The following SLC17A2 variants were observed in gnomAD, a reference collection of about 807,000 sequenced individuals.
SLC17A2 encodes solute carrier family 17 member 2.
A neutral mutation model predicts 52.1 loss-of-function variants in SLC17A2; 38 were observed. That is an observed-to-expected ratio of 0.73 (90% CI 0.56 to 0.96). The LOEUF is 0.96. Among genes scored for constraint, SLC17A2 ranks in the 40% least tolerant of loss-of-function variants. SLC17A2 has a pLI of 0.00. For synonymous variants in SLC17A2, 226 were observed against 211.9 expected, an observed-to-expected ratio of 1.07 and a Z score of -0.58; for missense variants, 508 against 583.9, an observed-to-expected ratio of 0.87 and a Z score of 1.34.
rs984664106 is a variant in SLC17A2 at position 25,918,417 on chromosome 6, T to C, written c.649+70A>G. The stretch of plus-strand genomic sequence containing the variant: ...CATTTTCTTTCATATAGGAAGAATG[T>C]GGGTGGTGTAGGTGCCAAAATGGAT... On this transcript the variant is annotated intron_variant, in intron 6 of 11. Transcript: ENST00000377850. 5.6e-6 allele frequency: 5 copies of C among 899,058 alleles called. 1 individual carries two copies. The highest frequency in any genetic ancestry group is 4.9e-5 in the African/African-American group (3 of 60,874). The allele number at this position is 899,058 out of a possible 1,614,324, so 55.7% of individuals were successfully genotyped here.
intron 8 of SLC17A2, among the ~76,000 whole-genome samples, chr6:25,916,242 G>T (rs1766313105): frequency 6.6e-6 from 1 of 152,064 alleles, no homozygotes; most frequent in African/African-American, 2.4e-5. Context: ...CACCACACCT[G>T]GCTAATTTTT....
chr6:25,918,787 A>G (rs777797336), intron 5 of SLC17A2, among the ~76,000 whole-genome samples: 33 of 152,246 alleles, frequency 2.2e-4, no homozygotes, highest in African/African-American at 7.2e-4. Context: ...TGATTCTTCA[A>G]TGGCTCCTCA....
intron 6 of SLC17A2, 97 bp downstream of exon 6, chr6:25,918,390 G>C (rs1039888907): frequency 2.4e-5 from 18 of 753,088 alleles, no homozygotes; most frequent in Non-Finnish European, 4.2e-5. Flanking sequence ...TTTGATAAAG[G>C]ACATTTTCTT....
At chr6:25,926,583 A>G (rs892061921) in intron 1 of SLC17A2, among the ~76,000 whole-genome samples, 3 of 152,178 alleles carry the variant, frequency 2.0e-5, no homozygotes, top group Non-Finnish European at 4.4e-5. Flanking sequence ...AAATATGGAC[A>G]TGTTTAATTT....
intron 2 of SLC17A2, among the ~76,000 whole-genome samples, chr6:25,925,108 T>A (rs1303161113): frequency 6.6e-6 from 1 of 152,048 alleles, no homozygotes; most frequent in East Asian, 1.9e-4. Flanking sequence ...ATAAGAGTGG[T>A]GGTCTGGGAA....
chr6:25,930,440 T>C lies in SLC17A2; in HGVS notation c.-247A>G, dbSNP rs1483985433. On this transcript the variant is annotated 5_prime_UTR_variant, in exon 1 of 12. Transcript: ENST00000377850. ...ATGGAGATCCTTATGTTGCTGTTAATGTCTTTTCTCTGACTTCTCCTAAAA... is the reference window on the plus strand; with the variant it reads ...ATGGAGATCCTTATGTTGCTGTTAACGTCTTTTCTCTGACTTCTCCTAAAA... The C allele has an allele frequency of 6.6e-6, 1 of 152,246 alleles. No homozygotes were observed. Among genetic ancestry groups the C allele is most frequent in the Non-Finnish European group, 1.5e-5 (1 of 68,042 alleles). The allele number at this position is 152,246 out of a possible 1,614,324, so 9.4% of individuals were successfully genotyped here.
chr6:25,930,487 C>T lies in SLC17A2; in HGVS notation c.-294G>A, dbSNP rs1433957415. The stretch of plus-strand genomic sequence containing the variant: ...AAAACTGTTCCCTCCCCTTAATGGA[C>T]CTTTGGTAAGTTAGTAATAATCCTT... On this transcript the variant is annotated 5_prime_UTR_variant, in exon 1 of 12. Transcript: ENST00000377850. 1 of 152,148 alleles carries T rather than the reference C, an allele frequency of 6.6e-6. No homozygotes were observed. The highest frequency in any genetic ancestry group is 1.5e-5 in the Non-Finnish European group (1 of 68,044). The allele number at this position is 152,148 out of a possible 1,614,324, so 9.4% of individuals were successfully genotyped here. A position where few individuals can be genotyped will look rare whatever the true frequency, so the allele number is the denominator to read the frequency against.
intron 5 of SLC17A2, 24 bp from the exon 6 acceptor site, chr6:25,918,597 A>T: frequency 6.6e-7 from 1 of 1,519,836 alleles, no homozygotes; most frequent in Non-Finnish European, 9.1e-7. Context: ...GGAGAAAAAC[A>T]CTTATGAAAA....
chr6:25,916,608 G>C, intron 8 of SLC17A2, 77 bp downstream of exon 8: 2 of 1,221,550 alleles, frequency 1.6e-6, no homozygotes, highest in Non-Finnish European at 2.4e-6. Context: ...TGTAAAGCCA[G>C]AATGTAATAG....
At chr6:25,927,418 G>A (rs1260313210) in intron 1 of SLC17A2, among the ~76,000 whole-genome samples, 3 of 152,136 alleles carry the variant, frequency 2.0e-5, no homozygotes, top group Non-Finnish European at 2.9e-5. Flanking sequence ...AGCAGGATAC[G>A]CTGTGCACAT....
At chr6:25,926,862 T>C (rs1162072340) in intron 1 of SLC17A2, among the ~76,000 whole-genome samples, 1 of 152,104 alleles carries the variant, frequency 6.6e-6, no homozygotes, top group Non-Finnish European at 1.5e-5. Context: ...AGGTCAGGTG[T>C]TCGAGATCAT....
intron 1 of SLC17A2, among the ~76,000 whole-genome samples, chr6:25,927,857 T>C (rs1422675711): frequency 3.9e-5 from 6 of 152,196 alleles, no homozygotes; most frequent in Non-Finnish European, 1.5e-5. Context: ...CATCTGGATA[T>C]CAGGAGTTCA....
At position 25,913,434 on chromosome 6, in the gene SLC17A2, C is replaced by T. The variant is rs754547270; in HGVS notation, c.1320G>A (p.Trp440Ter). Reference protein sequence around the residue: ...FLISQDFESGWRNVFFLSAAV... With the variant: ...FLISQDFESG ...CAGCAGACAGGAAAAAGACATTCCT[C>T]CAACCAGACTCAAAATCCTAGATGT... Residue 440 changes from tryptophan to a stop codon, truncating the protein, a stop_gained, in exon 12 of 12, where the codon TGG becomes TGA. Transcript: ENST00000377850. LOFTEE classifies it high-confidence loss of function. The T allele has an allele frequency of 8.7e-6, 14 of 1,613,924 alleles. No individual in the cohort carries two copies. Among genetic ancestry groups the T allele is most frequent in the African/African-American group, 1.3e-5 (1 of 74,910 alleles).
chr6:25,929,471 G>T (rs764563360), intron 1 of SLC17A2, among the ~76,000 whole-genome samples: 3 of 152,174 alleles, frequency 2.0e-5, no homozygotes. Flanking sequence ...TACAGCAAAT[G>T]AAATGTATTT....
rs150608042 is a variant in SLC17A2 at position 25,913,185 on chromosome 6, G to C, written c.*132C>G. The C allele has an allele frequency of 5.3e-6, 5 of 936,712 alleles. No individual in the cohort carries two copies. Among genetic ancestry groups the C allele is most frequent in the East Asian group, 2.4e-5 (1 of 41,018 alleles). 58.0% of individuals were successfully genotyped at this position (936,712 alleles called of 1,614,324 possible). ...TCCCAAGTATCAGTGTCTTATAAAGGCTCCCCAGGGAAGACTAACACACAG... is the reference window on the plus strand; with the variant it reads ...TCCCAAGTATCAGTGTCTTATAAAGCCTCCCCAGGGAAGACTAACACACAG... On this transcript the variant is annotated 3_prime_UTR_variant, in exon 12 of 12. Transcript: ENST00000377850.
chr6:25,928,082 C>T (rs1340501466), intron 1 of SLC17A2, among the ~76,000 whole-genome samples: 1 of 152,114 alleles, frequency 6.6e-6, no homozygotes, highest in Non-Finnish European at 1.5e-5. Flanking sequence ...CTGAAAGAGA[C>T]TCAGAGATCC....
chr6:25,923,844 T>C lies in SLC17A2; in HGVS notation c.91A>G (p.Met31Val). 2.5e-6 allele frequency: 4 copies of C among 1,614,194 alleles called. No homozygotes were observed. Among genetic ancestry groups the C allele is most frequent in the South Asian group, 1.1e-5 (1 of 91,082 alleles). ...CTCAGACTCACACGCTGCGTTATCA[T>C]GGTGAAGTTTGAGAAGTGCATGATA... ...ALIMHFSNFT[M>V]ITQRVSLSIA... The change falls in exon 3 of 12, where the codon ATG becomes GTG. Residue 31 changes from methionine to valine, a missense_variant. Physicochemically the swap from Met to Val is conservative, Grantham distance 21. Coordinates refer to ENST00000377850, the MANE Select transcript of SLC17A2 (RefSeq NM_001286123.3).
At position 25,918,515 on chromosome 6, in the gene SLC17A2, C is replaced by T. The variant is rs372218218; in HGVS notation, c.621G>A (p.Leu207=). 124 of 1,613,534 alleles carry T rather than the reference C, an allele frequency of 7.7e-5. No homozygotes were observed. The highest frequency in any genetic ancestry group is 1.0e-4 in the Admixed American group (6 of 59,992). ...LCVGGLISQA[L]SWPFIFYIFG... ...AGATGTAGAAGATAAAAGGCCAGCT[C>T]AAGGCCTGTGAGATTAGTCCCCCCA... The change falls in exon 6 of 12, where the codon TTG becomes TTA. Residue 207 remains leucine, a synonymous_variant. Transcript: ENST00000377850.
At position 25,915,505 on chromosome 6, in the gene SLC17A2, G is replaced by C. The variant is rs2151543200; in HGVS notation, c.1205C>G (p.Ala402Gly). 6.4e-7 allele frequency: 1 copy of C among 1,550,860 alleles called. No individual in the cohort carries two copies. Among genetic ancestry groups the C allele is most frequent in the South Asian group, 1.2e-5 (1 of 84,110 alleles). Residue 402 changes from alanine (A) to glycine (G), a missense_variant, in exon 10 of 12, where the codon GCC (alanine) becomes GGC (glycine). Ala to Gly is a moderately conservative substitution (Grantham distance 60). Transcript: ENST00000377850. ...AAACAGGTAGAGCTCTTACCTGGGG[G>C]CGATATCTAAGGTGTTGATGATAAA... ...SGFIINTLDIAPRYASFLMGI... is the reference protein window; with the variant it reads ...SGFIINTLDIGPRYASFLMGI...
Sources: gnomAD v4.1 joint callset for allele counts (sites outside exome capture counted in the v4.1 genomes callset) on GRCh38, gnomAD v4.1.1 for gene constraint, MANE v1.5 for transcripts, NCBI Gene and HGNC (gene_info 2026-07-23, HGNC 2026-07-21) for gene names.